The following PTPRG variants were observed in gnomAD, a reference collection of about 807,000 sequenced individuals.
PTPRG encodes receptor-type tyrosine-protein phosphatase gamma.
In PTPRG, 102 loss-of-function variants were observed where a neutral mutation model predicts 165.3. The observed-to-expected ratio is 0.62, with a 90% confidence interval of 0.53 to 0.73. The LOEUF (loss-of-function observed/expected upper bound fraction) is 0.73, where lower values mean the gene tolerates loss of function less well. Ranked by LOEUF, PTPRG falls within the 30% of genes least tolerant of loss-of-function variation. The pLI is 0.00. For missense variants in PTPRG, 1,866 were observed against 1,861.4 expected (o/e 1.00, Z -0.05); for synonymous variants, 675 against 669.5 (o/e 1.01, Z -0.13).
At chr3:61,951,327 T>C (rs2039895363) in intron 2 of PTPRG, among the ~76,000 whole-genome samples, 1 of 152,236 alleles carries the variant, frequency 6.6e-6, no homozygotes, top group Non-Finnish European at 1.5e-5. Flanking sequence ...TCTTGAACTG[T>C]AGCTTTTAAT....
intron 2 of PTPRG, among the ~76,000 whole-genome samples, chr3:61,973,867 G>T (rs1240515074): frequency 3.3e-5 from 5 of 151,570 alleles, no homozygotes; most frequent in Non-Finnish European, 5.9e-5. Context: ...TAAAAGATTG[G>T]TTTCTTCTTT....
intron 23 of PTPRG, among the ~76,000 whole-genome samples, chr3:62,274,651 AC>A (rs1702176571): frequency 6.6e-6 from 1 of 152,180 alleles, no homozygotes; most frequent in Admixed American, 6.6e-5. Flanking sequence ...ATAGACTGAA[AC>A]TTTCATTTGA....
intron 4 of PTPRG, among the ~76,000 whole-genome samples, chr3:62,064,799 C>A (rs1265741318): frequency 2.4e-5 from 3 of 123,316 alleles, no homozygotes; most frequent in Non-Finnish European, 4.7e-5. Context: ...ATGGTGCAAT[C>A]TGGGCTCGCC....
intron 5 of PTPRG, among the ~76,000 whole-genome samples, chr3:62,092,025 G>A (rs577842859): frequency 2.9e-4 from 43 of 148,474 alleles, no homozygotes; most frequent in African/African-American, 9.5e-4. Flanking sequence ...TGAATTAAAC[G>A]TGGTCCCTAT....
At chr3:62,028,395 T>TG (rs1699642286) in intron 4 of PTPRG, among the ~76,000 whole-genome samples, 1 of 152,186 alleles carries the variant, frequency 6.6e-6, no homozygotes, top group Admixed American at 6.6e-5. Context: ...AAAACTGAAA[T>TG]GCATGACCAA....
At chr3:62,060,742 AG>A (rs1198967816) in intron 4 of PTPRG, among the ~76,000 whole-genome samples, 1 of 152,208 alleles carries the variant, frequency 6.6e-6, no homozygotes, top group East Asian at 1.9e-4. Flanking sequence ...TAGAAATTGA[AG>A]TCATTGTTTT....
rs532940620 is a variant in PTPRG at position 61,983,336 on chromosome 3, A to G, written c.191-6289A>G. Among the ~76,000 whole-genome samples, 5 of 152,294 alleles carry G rather than the reference A, an allele frequency of 3.3e-5. No individual in the cohort carries two copies. The East Asian group carries it at 9.6e-4, about 29-fold the overall frequency. On this transcript the variant is annotated intron_variant, in intron 2 of 29. Transcript: ENST00000474889. ...AAAGCATTAATTATAATAGGTAAAA[A>G]TGATACACATATTTTTGGATTGTTG... is the stretch of plus-strand genomic sequence containing the variant.
At chr3:62,054,579 G>C (rs1371604847) in intron 4 of PTPRG, among the ~76,000 whole-genome samples, 1 of 152,210 alleles carries the variant, frequency 6.6e-6, no homozygotes, top group African/African-American at 2.4e-5. Context: ...CTGGTTGCCA[G>C]AGCAGACTGT....
chr3:61,645,760 C>G lies in PTPRG; in HGVS notation c.85+83388C>G, dbSNP rs149303975. ...AAAGCAGCCATAGACAATATGTGAG[C>G]AAATGAGCATGGATGTGTTCCAGCA... On this transcript the variant is annotated intron_variant, in intron 1 of 29. Transcript: ENST00000474889. Among the ~76,000 whole-genome samples the G allele has an allele frequency of 7.6e-3, 1,160 of 152,278 alleles. 16 individuals are homozygous for G. Among genetic ancestry groups the G allele is most frequent in the African/African-American group, 0.023 (939 of 41,530 alleles).
At chr3:62,212,618 G>T (rs926614351) in intron 12 of PTPRG, among the ~76,000 whole-genome samples, 1 of 152,158 alleles carries the variant, frequency 6.6e-6, no homozygotes, top group Non-Finnish European at 1.5e-5. Flanking sequence ...GAGTGAGCTT[G>T]CAGTGGGAGT....
intron 5 of PTPRG, among the ~76,000 whole-genome samples, chr3:62,086,544 TC>T (rs1298519205): frequency 3.9e-5 from 6 of 152,210 alleles, no homozygotes; most frequent in Non-Finnish European, 7.3e-5. Flanking sequence ...CCTAATTTAT[TC>T]CTTTCCAGTT....
At chr3:61,585,075 G>A (rs1483310675) in intron 1 of PTPRG, among the ~76,000 whole-genome samples, 2 of 152,034 alleles carry the variant, frequency 1.3e-5, no homozygotes, top group Non-Finnish European at 2.9e-5. Context: ...GAGCTCAGGA[G>A]TTCCAGACCA....
intron 4 of PTPRG, among the ~76,000 whole-genome samples, chr3:62,067,038 C>G (rs171184): frequency 0.1 from 11,831 of 113,224 alleles, 2,203 homozygotes; most frequent in East Asian, 0.27. Context: ...GATTCTGACT[C>G]AAAAAAAAAA....
At chr3:62,150,937 A>T (rs1291574574) in intron 6 of PTPRG, among the ~76,000 whole-genome samples, 1 of 152,140 alleles carries the variant, frequency 6.6e-6, no homozygotes, top group African/African-American at 2.4e-5. Flanking sequence ...CTATACATTG[A>T]CTGTTCATCG....
intron 6 of PTPRG, among the ~76,000 whole-genome samples, chr3:62,153,149 A>G (rs1320607837): frequency 6.6e-6 from 1 of 152,328 alleles, no homozygotes; most frequent in East Asian, 1.9e-4. Flanking sequence ...GCAAAGCCTA[A>G]AATATTTACT....
At position 61,883,119 on chromosome 3, in the gene PTPRG, C is replaced by A. The variant is rs542959995; in HGVS notation, c.191-106506C>A. ...CAGGTGAGGTGTTCAAGCTGGGCCTCCAGGGTGTCTGTCCTTGGGGACTTT... is the reference window on the plus strand; with the variant it reads ...CAGGTGAGGTGTTCAAGCTGGGCCTACAGGGTGTCTGTCCTTGGGGACTTT... On this transcript the variant is annotated intron_variant, in intron 2 of 29. Coordinates refer to ENST00000474889, the MANE Select transcript of PTPRG (RefSeq NM_002841.4). Among the ~76,000 whole-genome samples the A allele has an allele frequency of 1.8e-4, 27 of 152,250 alleles. No individual in the cohort carries two copies. The East Asian group carries it at 4.8e-3, about 27-fold the overall frequency.
intron 1 of PTPRG, among the ~76,000 whole-genome samples, chr3:61,614,187 A>G (rs902491780): frequency 2.0e-5 from 3 of 152,064 alleles, no homozygotes; most frequent in African/African-American, 7.2e-5. Flanking sequence ...CATGGCTGGG[A>G]TGGTTCAGCA....
At chr3:61,794,108 C>G (rs912069560) in intron 2 of PTPRG, among the ~76,000 whole-genome samples, 2 of 152,244 alleles carry the variant, frequency 1.3e-5, no homozygotes, top group African/African-American at 4.8e-5. Context: ...GACTTGAGCA[C>G]AGAAGGCCAT....
chr3:62,054,771 G>T (rs1457848594), intron 4 of PTPRG, among the ~76,000 whole-genome samples: 3 of 152,216 alleles, frequency 2.0e-5, no homozygotes, highest in Non-Finnish European at 4.4e-5. Flanking sequence ...CTTCATTTAT[G>T]AAGCGTACGG....
Sources: gnomAD v4.1 joint callset for allele counts (sites outside exome capture counted in the v4.1 genomes callset) on GRCh38, gnomAD v4.1.1 for gene constraint, MANE v1.5 for transcripts, NCBI Gene and HGNC (gene_info 2026-07-23, HGNC 2026-07-21) for gene names.